GRID2: variants seen among roughly 807,000 people sequenced by gnomAD.
GRID2 encodes the protein glutamate ionotropic receptor delta type subunit 2.
In GRID2, 33 loss-of-function variants were observed where a neutral mutation model predicts 114.8. The observed-to-expected ratio is 0.29, with a 90% CI of 0.22 to 0.38. GRID2 has a LOEUF of 0.38. Ranked by LOEUF, GRID2 falls within the 10% of genes least tolerant of loss-of-function variation. GRID2 has a pLI of 1.00. For synonymous variants in GRID2, 505 were observed against 449.9 expected (o/e 1.12, Z -1.55); for missense variants, 1,184 against 1,257.7 (o/e 0.94, Z 0.89).
chr4:93,231,644 A>T lies in GRID2; in HGVS notation c.1126-6727A>T, dbSNP rs937842368. ...GTTCCACCCTCTTTCTAGGGGCAGC[A>T]TGAATCCAATGAACAGTCATTGCAA... On this transcript the variant is annotated intron_variant, in intron 7 of 15. Coordinates refer to ENST00000282020, the MANE Select transcript of GRID2 (RefSeq NM_001510.4). Among the ~76,000 whole-genome samples, 66 of 152,170 alleles carry T rather than the reference A, an allele frequency of 4.3e-4. 1 individual carries two copies. The highest frequency in any genetic ancestry group is 1.6e-3 in the African/African-American group (66 of 41,454).
At chr4:93,564,941 A>G (rs1252105063) in intron 13 of GRID2, among the ~76,000 whole-genome samples, 1 of 152,120 alleles carries the variant, frequency 6.6e-6, no homozygotes, top group African/African-American at 2.4e-5. Flanking sequence ...TGTCAAATAA[A>G]TATTCTACAT....
chr4:93,137,619 G>A lies in GRID2; in HGVS notation c.735+26666G>A, dbSNP rs558258857. On this transcript the variant is annotated intron_variant, in intron 4 of 15. Transcript: ENST00000282020. ...TGAACCTTGTATGTGGTTTGAGATG[G>A]CAATAGGACATGCAATTTAGGCTAT... is the stretch of plus-strand genomic sequence containing the variant. Among the ~76,000 whole-genome samples the A allele has an allele frequency of 3.4e-4, 51 of 152,236 alleles. No homozygotes were observed. The South Asian group carries it at 3.9e-3, about 12-fold the overall frequency.
intron 3 of GRID2, among the ~76,000 whole-genome samples, chr4:93,107,151 T>G (rs541580447): frequency 6.6e-6 from 1 of 152,158 alleles, no homozygotes; most frequent in South Asian, 2.1e-4. Context: ...ATACAAAAGT[T>G]AGCCTGGCAT....
chr4:92,623,571 G>A (rs1730379012), intron 2 of GRID2, among the ~76,000 whole-genome samples: 1 of 151,796 alleles, frequency 6.6e-6, no homozygotes, highest in Admixed American at 6.6e-5. Context: ...AATAAAATGT[G>A]TGTATCTTGG....
intron 2 of GRID2, among the ~76,000 whole-genome samples, chr4:92,718,346 C>T (rs1404476932): frequency 2.0e-5 from 3 of 151,958 alleles, no homozygotes; most frequent in African/African-American, 7.2e-5. Flanking sequence ...GGTGTTTTGC[C>T]AGTAAAAGGG....
At chr4:93,582,763 T>G (rs1238151206) in intron 13 of GRID2, among the ~76,000 whole-genome samples, 1 of 152,106 alleles carries the variant, frequency 6.6e-6, no homozygotes, top group Non-Finnish European at 1.5e-5. Context: ...GAGATTATAT[T>G]TAGATTGGGG....
chr4:92,428,078 C>A (rs1226201034), intron 1 of GRID2, among the ~76,000 whole-genome samples: 1 of 151,756 alleles, frequency 6.6e-6, no homozygotes, highest in Non-Finnish European at 1.5e-5. Context: ...CTGGCTAACA[C>A]GGTGAAATCC....
intron 1 of GRID2, among the ~76,000 whole-genome samples, chr4:92,383,045 G>T (rs1729697643): frequency 6.6e-6 from 1 of 151,828 alleles, no homozygotes; most frequent in Admixed American, 6.6e-5. Flanking sequence ...CACTTCACAT[G>T]GCCAGAACAT....
At chr4:92,771,128 A>G (rs961033940) in intron 2 of GRID2, among the ~76,000 whole-genome samples, 3 of 152,200 alleles carry the variant, frequency 2.0e-5, no homozygotes, top group African/African-American at 7.2e-5. Flanking sequence ...GCTTTAACCC[A>G]GTATTTCCAA....
At chr4:92,374,900 C>T (rs924736096) in intron 1 of GRID2, among the ~76,000 whole-genome samples, 1 of 152,038 alleles carries the variant, frequency 6.6e-6, no homozygotes, top group Admixed American at 6.6e-5. Context: ...GGTTATCAAT[C>T]TGAATATGTG....
chr4:92,545,376 A>AT lies in GRID2; in HGVS notation c.89-44754dup, dbSNP rs1726192740. ...TGTTCTAAGCAAGGTAATTCTTCTC[A>AT]TACCAGTTTTTCTCTTGCTCAAGGT... On this transcript the variant is annotated intron_variant, in intron 1 of 15. Transcript: ENST00000282020. 6.2e-5 allele frequency among the ~76,000 whole-genome samples: 9 copies of AT among 145,526 alleles called. No homozygotes were observed. In the South Asian group the frequency reaches 2.0e-3, roughly 32 times the overall value.
At chr4:92,379,934 A>C (rs921900657) in intron 1 of GRID2, among the ~76,000 whole-genome samples, 2 of 152,038 alleles carry the variant, frequency 1.3e-5, no homozygotes, top group Non-Finnish European at 2.9e-5. Context: ...GCCAGGCTGC[A>C]CAAATAATAA....
chr4:93,457,258 G>A (rs1221299484), intron 11 of GRID2, among the ~76,000 whole-genome samples: 1 of 152,118 alleles, frequency 6.6e-6, no homozygotes, highest in East Asian at 1.9e-4. Context: ...GCTTTTTAAA[G>A]TAACACTTTA....
At chr4:92,802,876 C>T (rs1578211410) in intron 2 of GRID2, among the ~76,000 whole-genome samples, 1 of 151,902 alleles carries the variant, frequency 6.6e-6, no homozygotes, top group Admixed American at 6.6e-5. Context: ...TAGAATAAGT[C>T]TGAACCACTA....
At chr4:93,061,532 G>T (rs905900755) in intron 2 of GRID2, among the ~76,000 whole-genome samples, 2 of 152,032 alleles carry the variant, frequency 1.3e-5, no homozygotes, top group Admixed American at 6.6e-5. Context: ...ATGCCAAAGG[G>T]TATTGACGTA....
chr4:92,631,099 T>C (rs1579722197), intron 2 of GRID2, among the ~76,000 whole-genome samples: 3 of 152,042 alleles, frequency 2.0e-5, no homozygotes, highest in African/African-American at 7.2e-5. Context: ...ATGAGTTTTG[T>C]AATGTTCCCT....
chr4:92,920,574 C>T (rs778136942), intron 2 of GRID2, among the ~76,000 whole-genome samples: 1 of 152,128 alleles, frequency 6.6e-6, no homozygotes, highest in Non-Finnish European at 1.5e-5. Context: ...ATTTGCTTGT[C>T]TGTAAAGGAT....
rs191848570 is a variant in GRID2, at chr4:93,557,513, G to A, written c.2193+42102G>A. 2.0e-5 allele frequency among the ~76,000 whole-genome samples: 3 copies of A among 152,270 alleles called. No individual in the cohort carries two copies. The East Asian group carries it at 5.8e-4, about 29-fold the overall frequency. The stretch of plus-strand genomic sequence containing the variant: ...AAGAAAGGCATTACATAATGGTAAA[G>A]GAATCAATGCAACAAGAAGAGCTAA... On this transcript the variant is annotated intron_variant, in intron 13 of 15. Transcript: ENST00000282020.
At chr4:92,922,100 T>C (rs893058162) in intron 2 of GRID2, among the ~76,000 whole-genome samples, 1 of 152,194 alleles carries the variant, frequency 6.6e-6, no homozygotes, top group Non-Finnish European at 1.5e-5. Context: ...CTCAGACTGC[T>C]GTGCTAGCAA....
Sources: allele counts gnomAD v4.1 joint callset (sites outside exome capture counted in the v4.1 genomes callset), GRCh38; gene constraint gnomAD v4.1.1; transcripts MANE v1.5; gene names NCBI Gene and HGNC (gene_info 2026-07-23, HGNC 2026-07-21).